The following ANKRD31 variants were observed in gnomAD, a reference collection of about 807,000 sequenced individuals.
ANKRD31 encodes the protein ankyrin repeat domain-containing protein 31.
ANKRD31 carries 147 observed loss-of-function variants against 186.0 expected under a neutral mutation model. The observed-to-expected ratio is 0.79, with a 90% CI of 0.69 to 0.91. The LOEUF (loss-of-function observed/expected upper bound fraction) is 0.91. ANKRD31 is among the 40% of genes least tolerant of loss of function. ANKRD31 has a pLI of 0.00. For missense variants in ANKRD31, 1,986 were observed against 2,148.8 expected, an observed-to-expected ratio of 0.92 and a Z score of 1.50; for synonymous variants, 673 against 736.4, an observed-to-expected ratio of 0.91 and a Z score of 1.39.
intron 4 of ANKRD31, among the ~76,000 whole-genome samples, chr5:75,208,327 G>A (rs1592948): frequency 0.51 from 76,715 of 151,838 alleles, 22,319 homozygotes; most frequent in African/African-American, 0.81. Context: ...AAAATACGAC[G>A]CTATGGCAAG....
At position 75,105,572 on chromosome 5, in the gene ANKRD31, T is replaced by A. The variant is rs746242173; in HGVS notation, c.4341-354A>T. 4.6e-5 allele frequency among the ~76,000 whole-genome samples: 7 copies of A among 152,256 alleles called. No homozygotes were observed. The South Asian group carries it at 1.5e-3, about 32-fold the overall frequency. On this transcript the variant is annotated intron_variant, in intron 21 of 25. Coordinates refer to ENST00000506364, the MANE Select transcript of ANKRD31 (RefSeq NM_001372053.1). The stretch of plus-strand genomic sequence containing the variant: ...ATCATCTATCTAAACATCTATTTAG[T>A]CGTTGGTTGGAAGGTAGCAATTGGT...
chr5:75,227,986 C>G (rs1480270251), intron 2 of ANKRD31, among the ~76,000 whole-genome samples: 1 of 152,146 alleles, frequency 6.6e-6, no homozygotes, highest in Non-Finnish European at 1.5e-5. Context: ...GAAACCATAC[C>G]CCCAACCGCC....
chr5:75,178,349 T>C (rs966827743), intron 10 of ANKRD31, among the ~76,000 whole-genome samples: 4 of 152,080 alleles, frequency 2.6e-5, no homozygotes, highest in South Asian at 2.1e-4. Context: ...AACAAGGATA[T>C]CCAGGAATTG....
chr5:75,169,938 C>T (rs1399486420), intron 10 of ANKRD31, among the ~76,000 whole-genome samples: 2 of 152,100 alleles, frequency 1.3e-5, no homozygotes, highest in Non-Finnish European at 2.9e-5. Flanking sequence ...TGCCAAAAGT[C>T]CCCTGGGGAG....
chr5:75,070,195 G>A (rs1025612677), intron 25 of ANKRD31, among the ~76,000 whole-genome samples: 16 of 151,920 alleles, frequency 1.1e-4, no homozygotes, highest in Non-Finnish European at 1.9e-4. Context: ...ATAGACTTCC[G>A]GAAACAAGGT....
intron 12 of ANKRD31, among the ~76,000 whole-genome samples, chr5:75,149,135 A>T (rs1751687350): frequency 6.6e-6 from 1 of 151,916 alleles, no homozygotes; most frequent in South Asian, 2.1e-4. Context: ...GATTATTTTT[A>T]AAAAGCCTGA....
chr5:75,119,093 A>T (rs763742804), intron 17 of ANKRD31, among the ~76,000 whole-genome samples: 1 of 151,752 alleles, frequency 6.6e-6, no homozygotes, highest in Non-Finnish European at 1.5e-5. Flanking sequence ...TAGCAAACTT[A>T]AAAAAAAATT....
chr5:75,197,094 G>T (rs560489215), intron 6 of ANKRD31, among the ~76,000 whole-genome samples: 2 of 152,118 alleles, frequency 1.3e-5, no homozygotes, highest in East Asian at 3.9e-4. Flanking sequence ...GAGAGATGGG[G>T]TTTCACCATG....
intron 19 of ANKRD31, among the ~76,000 whole-genome samples, chr5:75,114,475 A>T (rs1372269451): frequency 6.6e-6 from 1 of 152,170 alleles, no homozygotes; most frequent in East Asian, 1.9e-4. Flanking sequence ...CTTTTATAAT[A>T]AAAAAATTCA....
intron 22 of ANKRD31, among the ~76,000 whole-genome samples, chr5:75,101,997 G>T (rs963019106): frequency 1.3e-5 from 2 of 152,240 alleles, no homozygotes; most frequent in Admixed American, 6.5e-5. Flanking sequence ...CTTTGGAGGA[G>T]AAGAGGTGCT....
At chr5:75,190,322 G>A (rs1360358021) in intron 9 of ANKRD31, among the ~76,000 whole-genome samples, 1 of 152,120 alleles carries the variant, frequency 6.6e-6, no homozygotes, top group Non-Finnish European at 1.5e-5. Flanking sequence ...CACGTGGCCT[G>A]TTTAGAATTT....
intron 24 of ANKRD31, among the ~76,000 whole-genome samples, chr5:75,081,041 T>C (rs186358927): frequency 6.6e-6 from 1 of 152,176 alleles, no homozygotes; most frequent in Non-Finnish European, 1.5e-5. Context: ...GTAATAGGGT[T>C]AGAGAGTTTT....
chr5:75,106,302 A>G (rs1001372626), intron 21 of ANKRD31, among the ~76,000 whole-genome samples: 6 of 152,084 alleles, frequency 3.9e-5, no homozygotes, highest in Admixed American at 2.6e-4. Flanking sequence ...GGGTCCCTGG[A>G]CCACAGTTTA....
intron 1 of ANKRD31, among the ~76,000 whole-genome samples, chr5:75,231,915 A>ACACACG (rs1225365616): frequency 2.2e-5 from 2 of 89,708 alleles, no homozygotes; most frequent in Non-Finnish European, 4.8e-5. Flanking sequence ...AAACACACAC[A>ACACACG]CACACACACA....
intron 22 of ANKRD31, among the ~76,000 whole-genome samples, chr5:75,102,401 T>C (rs955128893): frequency 1.3e-5 from 2 of 152,226 alleles, no homozygotes; most frequent in African/African-American, 4.8e-5. Context: ...GAGGAGGCAG[T>C]CTGTCCATTC....
chr5:75,123,528 T>C (rs1330479804), intron 17 of ANKRD31, among the ~76,000 whole-genome samples: 1 of 152,066 alleles, frequency 6.6e-6, no homozygotes, highest in Non-Finnish European at 1.5e-5. Flanking sequence ...GCACATTACC[T>C]GACTTCAAAT....
intron 1 of ANKRD31, among the ~76,000 whole-genome samples, chr5:75,233,570 T>C (rs1758078873): frequency 6.6e-6 from 1 of 152,102 alleles, no homozygotes; most frequent in Admixed American, 6.6e-5. Flanking sequence ...CTAATATAAA[T>C]ATGTTAATAT....
chr5:75,127,792 T>A, intron 17 of ANKRD31, among the ~76,000 whole-genome samples: 1 of 152,236 alleles, frequency 6.6e-6, no homozygotes, highest in East Asian at 1.9e-4. Flanking sequence ...TATTTAGGTC[T>A]TCTTTAATTA....
chr5:75,083,172 T>A (rs1022382913), intron 24 of ANKRD31, among the ~76,000 whole-genome samples: 1 of 152,220 alleles, frequency 6.6e-6, no homozygotes, highest in Non-Finnish European at 1.5e-5. Context: ...CCAATCTTTT[T>A]AATAATTTTG....
Sources: gnomAD v4.1 joint callset for allele counts (sites outside exome capture counted in the v4.1 genomes callset) on GRCh38, gnomAD v4.1.1 for gene constraint, MANE v1.5 for transcripts, NCBI Gene and HGNC (gene_info 2026-07-23, HGNC 2026-07-21) for gene names.